NOC2L: variants seen among roughly 807,000 people sequenced by gnomAD.
NOC2L encodes the protein nucleolar complex protein 2 homolog.
A neutral mutation model predicts 94.2 loss-of-function variants in NOC2L; 101 were observed. The observed-to-expected ratio is 1.07, with a 90% CI of 0.91 to 1.26. The LOEUF (loss-of-function observed/expected upper bound fraction) is 1.26, where lower values mean the gene tolerates loss of function less well. Ranked by LOEUF, NOC2L falls within the 50% of genes most tolerant of loss-of-function variation. NOC2L has a pLI of 0.00. For missense variants in NOC2L, 1,076 were observed against 980.1 expected (o/e 1.10, Z -1.31); for synonymous variants, 531 against 413.4 (o/e 1.28, Z -3.45).
chr1:948,080 G>A (rs551274432), intron 14 of NOC2L, 51 bp downstream of exon 14: 37 of 1,451,798 alleles, frequency 2.5e-5, no homozygotes, highest in African/African-American at 1.1e-4. Flanking sequence ...AGCCAAGCCC[G>A]TTATAAGACA....
rs151303352 is a variant in NOC2L at position 956,126 on chromosome 1, C to G, written c.576G>C (p.Glu192Asp). 6.2e-7 allele frequency: 1 copy of G among 1,614,054 alleles called. No individual in the cohort carries two copies. Among genetic ancestry groups the G allele is most frequent in the South Asian group, 1.1e-5 (1 of 91,078 alleles). ...TGTCCGTGACCTGGAATTTGTTGGC[C>G]TCAGCACTTTCCTGGTCCCCTCGGG... is the stretch of plus-strand genomic sequence containing the variant. Reference protein sequence around the residue: ...ATTRGDQESAEANKFQVTDSA... With the variant: ...ATTRGDQESADANKFQVTDSA... The change falls in exon 5 of 19, where the codon GAG becomes GAC. Residue 192 changes from glutamate to aspartate, a missense_variant. Glu to Asp is a conservative substitution (Grantham distance 45). This residue lies in a region of NOC2L where 457 missense variants were observed against 386.0 expected (regional missense o/e 1.18). Transcript: ENST00000327044.
rs1280250387 is a variant in NOC2L at position 953,948 on chromosome 1, A to AAGGACCGACCACCAGATACAGCC, written c.777+33_777+55dup. On this transcript the variant is annotated intron_variant, in intron 7 of 18. Coordinates refer to ENST00000327044, the MANE Select transcript of NOC2L (RefSeq NM_015658.4). ...AACCCATGTATTCTGGGATACAAAA[A>AAGGACCGACCACCAGATACAGCC]AGGACCGACCACCAGATACAGCCAG... is the stretch of plus-strand genomic sequence containing the variant. The AAGGACCGACCACCAGATACAGCC allele has an allele frequency of 2.9e-4, 466 of 1,607,074 alleles. 6 individuals carry two copies. The South Asian group carries it at 4.7e-3, about 16-fold the overall frequency.
intron 6 of NOC2L, among the ~76,000 whole-genome samples, chr1:955,124 G>C (rs752719659): frequency 1.9e-4 from 29 of 152,248 alleles, no homozygotes; most frequent in Non-Finnish European, 3.1e-4. Context: ...TGCAGTGCGT[G>C]CTGCCTCCCA....
chr1:951,083 A>G (rs963600963), intron 12 of NOC2L, 44 bp downstream of exon 12: 5 of 1,397,848 alleles, frequency 3.6e-6, no homozygotes, highest in Admixed American at 2.0e-5. Context: ...TGCTCCCTAC[A>G]GGAGCAGGCA....
Position 959,241 on chromosome 1 carries a change from G to C in NOC2L, c.-1C>G. On this transcript the variant is annotated 5_prime_UTR_variant, in exon 1 of 19. Transcript: ENST00000327044. ...TCTTGCGGCTCCCCGCAGCTGCCAT[G>C]ACACCAACCCGAAGCGTGCACCCCA... 6.2e-7 allele frequency: 1 copy of C among 1,606,460 alleles called. No homozygotes were observed. Among genetic ancestry groups the C allele is most frequent in the Non-Finnish European group, 8.5e-7 (1 of 1,177,220 alleles).
intron 5 of NOC2L, 30 bp downstream of exon 5, chr1:956,065 G>C: frequency 6.2e-7 from 1 of 1,614,108 alleles, no homozygotes; most frequent in Non-Finnish European, 8.5e-7. Context: ...GCAACAGACA[G>C]CCTGGATGCC....
Position 953,228 on chromosome 1 carries a change from G to C in NOC2L, c.949C>G (p.Leu317Val). ...TTCTTGTGCCGGCAGACTCTGCTGA[G>C]GACCAGGAAAGCCAGCACCCGCAGA... The part of the protein sequence containing the change: ...ESLRVLAFLV[L>V]SRVCRHKKDT... Residue 317 changes from leucine (L) to valine (V), a missense_variant, in exon 9 of 19, where the codon CTC becomes GTC. Coordinates refer to ENST00000327044, the MANE Select transcript of NOC2L (RefSeq NM_015658.4). 3.1e-6 allele frequency: 5 copies of C among 1,613,562 alleles called. No homozygotes were observed. Among genetic ancestry groups the C allele is most frequent in the Non-Finnish European group, 4.2e-6 (5 of 1,179,814 alleles).
rs767288314 is a variant in NOC2L, at chr1:953,854, G to A, written c.816C>T (p.Ala272=). 3.3e-5 allele frequency: 54 copies of A among 1,612,974 alleles called. No individual in the cohort carries two copies. The highest frequency in any genetic ancestry group is 2.1e-4 in the South Asian group (19 of 91,088). The change falls in exon 8 of 19, where the codon GCC becomes GCT. Residue 272 remains alanine (A), a synonymous_variant. Transcript: ENST00000327044. ...CCAGCACGCTGATGTGCCGCAGCAC[G>A]GCCGCCAACACCGTCGTCTCCGACA... ...SCLSETTVLA[A]VLRHISVLVP... is the part of the protein sequence containing the mutation.
chr1:946,313 A>G, intron 15 of NOC2L, 27 bp from the exon 16 acceptor site: 2 of 1,611,782 alleles, frequency 1.2e-6, no homozygotes, highest in Non-Finnish European at 1.7e-6. Context: ...GTTCAGGGTC[A>G]TGCCTCACCC....
intron 2 of NOC2L, 170 bp from the exon 3 acceptor site, chr1:957,443 C>T (rs576438899): frequency 3.1e-5 from 20 of 638,210 alleles, no homozygotes; most frequent in African/African-American, 3.1e-4. Context: ...ACCTCTACAA[C>T]ATACCCTCAA....
rs768543437 is a variant in NOC2L at position 945,070 on chromosome 1, G to A, written c.2130C>T (p.Ser710=). The change falls in exon 18 of 19, where the codon AGC becomes AGT. Residue 710 remains serine, a synonymous_variant. Coordinates refer to ENST00000327044, the MANE Select transcript of NOC2L (RefSeq NM_015658.4). The part of the protein sequence containing the change: ...EEDEEEGEED[S]SNSEDGDPDA... ...AAGACCATTCACCCTCCGAGTTGCTGCTGTCCTCCTCGCCCTCCTCCTCGT... is the reference window on the plus strand; with the variant it reads ...AAGACCATTCACCCTCCGAGTTGCTACTGTCCTCCTCGCCCTCCTCCTCGT... 21 of 1,614,054 alleles carry A rather than the reference G, an allele frequency of 1.3e-5. No individual in the cohort carries two copies. Among genetic ancestry groups the A allele is most frequent in the Non-Finnish European group, 1.5e-5 (18 of 1,179,994 alleles).
chr1:957,124 A>AACGGCCC lies in NOC2L; in HGVS notation c.322_328dup (p.Phe110TrpfsTer15). The AACGGCCC allele has an allele frequency of 1.2e-6, 2 of 1,614,072 alleles. No homozygotes were observed. Among genetic ancestry groups the AACGGCCC allele is most frequent in the Non-Finnish European group, 1.7e-6 (2 of 1,180,028 alleles). On this transcript the variant is annotated frameshift_variant, in exon 3 of 19. Transcript: ENST00000327044. LOFTEE classifies it high-confidence loss of function. ...CTCCAGCACATCTGGCAGGGAGTGG[A>AACGGCCC]ACGGCCCCTCTTCCTCCTCAGAGCT...
chr1:950,626 T>C (rs4970375), intron 12 of NOC2L, among the ~76,000 whole-genome samples: 142,159 of 152,226 alleles, frequency 0.93, 66,405 homozygotes, highest in Non-Finnish European at 0.95. Context: ...TACACGTGCA[T>C]ACACACATAC....
chr1:950,410 C>T (rs1642224412), intron 12 of NOC2L, among the ~76,000 whole-genome samples: 1 of 152,164 alleles, frequency 6.6e-6, no homozygotes, highest in South Asian at 2.1e-4. Context: ...CAGGTGCACA[C>T]ACGCACAGGT....
In NOC2L at chr1:945,637, A is replaced by C; in HGVS notation, c.1934T>G (p.Phe645Cys). 1 of 1,614,158 alleles carries C rather than the reference A, an allele frequency of 6.2e-7. No homozygotes were observed. Among genetic ancestry groups the C allele is most frequent in the East Asian group, 2.2e-5 (1 of 44,892 alleles). Reference sequence around the variant, plus strand: ...CATCTTCCTTCGTTTGATCTCAGGGAAGTTCAGGTCTTCCAGCTGGAAGGC... The same window carrying C: ...CATCTTCCTTCGTTTGATCTCAGGGCAGTTCAGGTCTTCCAGCTGGAAGGC... Reference protein sequence around the residue: ...SGKERLEDLNFPEIKRRKMAD... With the variant: ...SGKERLEDLNCPEIKRRKMAD... The change falls in exon 17 of 19, where the codon TTC (phenylalanine) becomes TGC (cysteine). Residue 645 changes from phenylalanine (F) to cysteine (C), a missense_variant. Physicochemically the swap from Phe to Cys is radical, Grantham distance 205. This residue lies in a region of NOC2L where 615 missense variants were observed against 577.4 expected (regional missense o/e 1.07). Transcript: ENST00000327044.
chr1:945,308 T>C, intron 17 of NOC2L, 162 bp from the exon 18 acceptor site: 1 of 1,024,710 alleles, frequency 9.8e-7, no homozygotes. Context: ...GTCACAGGCC[T>C]GGGGACAGAG....
rs1405908743 is a variant in NOC2L at position 959,246 on chromosome 1, C to T, written c.-6G>A. ...CGGCTCCCCGCAGCTGCCATGACACCAACCCGAAGCGTGCACCCCACTTCC... is the reference window on the plus strand; with the variant it reads ...CGGCTCCCCGCAGCTGCCATGACACTAACCCGAAGCGTGCACCCCACTTCC... On this transcript the variant is annotated 5_prime_UTR_variant, in exon 1 of 19. Transcript: ENST00000327044. 1.2e-6 allele frequency: 2 copies of T among 1,604,798 alleles called. No homozygotes were observed.
chr1:946,930 G>C (rs1434174509), intron 14 of NOC2L: 1 of 180,752 alleles, frequency 5.5e-6, no homozygotes, highest in African/African-American at 2.4e-5. Context: ...GGTGGTGGGC[G>C]CCTGTAAACC....
At chr1:948,097 G>C (rs1295308421) in intron 14 of NOC2L, 34 bp downstream of exon 14, 2 of 1,514,896 alleles carry the variant, frequency 1.3e-6, no homozygotes, top group Non-Finnish European at 1.8e-6. Context: ...GACAGTCTGA[G>C]TCGGCCACGA....
Sources: gnomAD v4.1 joint callset for allele counts (sites outside exome capture counted in the v4.1 genomes callset) on GRCh38, gnomAD v4.1.1 for gene constraint, gnomAD v4.1.1 regional missense constraint, MANE v1.5 for transcripts, NCBI Gene and HGNC (gene_info 2026-07-23, HGNC 2026-07-21) for gene names.